TNXB: variants seen among roughly 807,000 people sequenced by gnomAD.
TNXB encodes the protein tenascin XB, also known as tenascin-X.
TNXB carries 183 observed loss-of-function variants against 340.5 expected under a neutral mutation model. The observed-to-expected ratio is 0.54, with a 90% CI of 0.48 to 0.61. The LOEUF is 0.61. Ranked by LOEUF, TNXB falls within the 20% of genes least tolerant of loss-of-function variation. The pLI is 0.00. For synonymous variants in TNXB, 2,121 were observed against 2,314.5 expected, an observed-to-expected ratio of 0.92 and a Z score of 2.40; for missense variants, 4,613 against 5,446.4, an observed-to-expected ratio of 0.85 and a Z score of 4.82.
rs1286916727 is a variant in TNXB, at chr6:32,070,499, C to T, written c.4991-85G>A. Reference sequence around the variant, plus strand: ...CTGGGGCTGGAAAAACCCAGAACTGCCCAAATGCTCAGTGCTTCCCCAAAA... The same window carrying T: ...CTGGGGCTGGAAAAACCCAGAACTGTCCAAATGCTCAGTGCTTCCCCAAAA... On this transcript the variant is annotated intron_variant, in intron 13 of 43. Transcript: ENST00000644971. This position sits in a 1 kb window ranked among gnomAD's most constrained non-coding sequence, Gnocchi z 6.0. 13 of 1,320,172 alleles carry T rather than the reference C, an allele frequency of 9.8e-6. No individual in the cohort carries two copies. The East Asian group carries it at 2.7e-4, about 27-fold the overall frequency. 81.8% of individuals were successfully genotyped at this position (1,320,172 alleles called of 1,614,324 possible). A position where few individuals can be genotyped will look rare whatever the true frequency, so the allele number is the denominator to read the frequency against.
rs1326148770 is a variant in TNXB at position 32,060,424 on chromosome 6, T to C, written c.7492+973A>G. Among the ~76,000 whole-genome samples, 2 of 147,298 alleles carry C rather than the reference T, an allele frequency of 1.4e-5. 1 individual carries two copies. Among genetic ancestry groups the C allele is most frequent in the African/African-American group, 4.9e-5 (2 of 40,446 alleles). On this transcript the variant is annotated intron_variant, in intron 21 of 43. Coordinates refer to ENST00000644971, the MANE Select transcript of TNXB (RefSeq NM_001365276.2). ...GTGTAAAGAAGGAGAAGACATTATA[T>C]ATTTTCTCTTTTCCCTTTCCCTGAT... is the stretch of plus-strand genomic sequence containing the variant.
Position 32,049,877 on chromosome 6 carries a change from C to A in TNXB, c.9439+121G>T. 1 of 1,487,206 alleles carries A rather than the reference C, an allele frequency of 6.7e-7. No homozygotes were observed. The allele number at this position is 1,487,206 out of a possible 1,614,324, so 92.1% of individuals were successfully genotyped here. A position where few individuals can be genotyped will look rare whatever the true frequency, so the allele number is the denominator to read the frequency against. On this transcript the variant is annotated intron_variant, in intron 27 of 43. Coordinates refer to ENST00000644971, the MANE Select transcript of TNXB (RefSeq NM_001365276.2). This position sits in a 1 kb window ranked among gnomAD's most constrained non-coding sequence, Gnocchi z 4.5. The stretch of plus-strand genomic sequence containing the variant: ...GAAGGCCCAAGGGGAGTCCCAGCCC[C>A]AGCCACAAGCAGTTCTGTGGTGCTG...
chr6:32,088,253 G>A (rs1034206626), intron 6 of TNXB, among the ~76,000 whole-genome samples: 2 of 152,204 alleles, frequency 1.3e-5, no homozygotes, highest in Non-Finnish European at 2.9e-5. Flanking sequence ...AGAGAAAGGG[G>A]AGTCGGGGAA....
At position 32,097,917 on chromosome 6, in the gene TNXB, T is replaced by C. The variant is rs1345435968; in HGVS notation, c.282A>G (p.Pro94=). Residue 94 remains proline (P), a synonymous_variant, in exon 2 of 44, where the codon CCA becomes CCG. Transcript: ENST00000644971. The surrounding 1 kb of genome is among the most constrained non-coding windows in gnomAD (Gnocchi z 5.9). ...GGGCCTGTACCTCTGAAGCAAGGAC[T>C]GGGGGCTCGGTGCCTGGGGGACAGC... is the stretch of plus-strand genomic sequence containing the variant. The part of the protein sequence containing the change: ...GCGCPPGTEP[P]VLASEVQALR... The C allele has an allele frequency of 1.9e-6, 3 of 1,589,902 alleles. No homozygotes were observed. Among genetic ancestry groups the C allele is most frequent in the South Asian group, 2.2e-5 (2 of 88,980 alleles).
chr6:32,079,866 G>C lies in TNXB; in HGVS notation c.4043-501C>G, dbSNP rs1227536319. The stretch of plus-strand genomic sequence containing the variant: ...GAGTGGGAGAAAAATTCTGGGGTGA[G>C]TGGGATCCAAGGAGAGACATGTCCT... On this transcript the variant is annotated intron_variant, in intron 10 of 43. Coordinates refer to ENST00000644971, the MANE Select transcript of TNXB (RefSeq NM_001365276.2). This position sits in a 1 kb window ranked among gnomAD's most constrained non-coding sequence, Gnocchi z 7.1. Among the ~76,000 whole-genome samples the C allele has an allele frequency of 6.6e-6, 1 of 152,220 alleles. No homozygotes were observed. The highest frequency in any genetic ancestry group is 2.4e-5 in the African/African-American group (1 of 41,462).
chr6:32,072,257 G>A lies in TNXB; in HGVS notation c.4723C>T (p.Pro1575Ser). Residue 1575 changes from proline (P) to serine (S), a missense_variant, in exon 13 of 44, where the codon CCC (proline) becomes TCC (serine). Pro to Ser is a moderately conservative substitution (Grantham distance 74). Transcript: ENST00000644971. This position sits in a 1 kb window ranked among gnomAD's most constrained non-coding sequence, Gnocchi z 4.4. Reference sequence around the variant, plus strand: ...AGCTCCCCTAGGCGTGGCTCCAGGGGAGGCTTGGAGGCCTCTGTGGCTGGG... The same window carrying A: ...AGCTCCCCTAGGCGTGGCTCCAGGGAAGGCTTGGAGGCCTCTGTGGCTGGG... ...PAPATEASKP[P>S]LEPRLGELTV... 6.2e-7 allele frequency: 1 copy of A among 1,607,026 alleles called. No homozygotes were observed.
chr6:32,044,845 AG>A (rs1376159942), intron 32 of TNXB, 129 bp from the exon 33 acceptor site: 5 of 699,644 alleles, frequency 7.1e-6, no homozygotes, highest in African/African-American at 1.9e-5. Context: ...TTGCAGCCAC[AG>A]GGGGGTCCTG....
At position 32,079,728 on chromosome 6, in the gene TNXB, C is replaced by T. The variant is rs949792815; in HGVS notation, c.4043-363G>A. Among the ~76,000 whole-genome samples, 1 of 152,166 alleles carries T rather than the reference C, an allele frequency of 6.6e-6. No homozygotes were observed. The highest frequency in any genetic ancestry group is 1.5e-5 in the Non-Finnish European group (1 of 68,012). ...AGGGCACTCTGGCTGCCCCACCCCTCATATGAGGATCTGACCATGGAATGT... is the reference window on the plus strand; with the variant it reads ...AGGGCACTCTGGCTGCCCCACCCCTTATATGAGGATCTGACCATGGAATGT... On this transcript the variant is annotated intron_variant, in intron 10 of 43. Coordinates refer to ENST00000644971, the MANE Select transcript of TNXB (RefSeq NM_001365276.2). This position sits in a 1 kb window ranked among gnomAD's most constrained non-coding sequence, Gnocchi z 7.1.
At position 32,061,459 on chromosome 6, in the gene TNXB, A is replaced by C. The variant is rs1228442439; in HGVS notation, c.7430T>G (p.Met2477Arg). The stretch of plus-strand genomic sequence containing the variant: ...CCCCTCGTGGAGGCCATACAGGTGC[A>C]TCTTGTATTTGCGCCCAGGCTCCAG... Reference protein sequence around the residue: ...GGLEPGRKYKMHLYGLHEGRR... With the variant: ...GGLEPGRKYKRHLYGLHEGRR... Residue 2477 changes from methionine (M) to arginine (R), a missense_variant, in exon 21 of 44, where the codon ATG becomes AGG. Transcript: ENST00000644971. The surrounding 1 kb of genome is among the most constrained non-coding windows in gnomAD (Gnocchi z 4.4). 1 of 1,613,406 alleles carries C rather than the reference A, an allele frequency of 6.2e-7. No individual in the cohort carries two copies. Among genetic ancestry groups the C allele is most frequent in the Admixed American group, 1.7e-5 (1 of 60,000 alleles).
At chr6:32,059,391 C>T (rs1190030631) in intron 21 of TNXB, among the ~76,000 whole-genome samples, 4 of 147,498 alleles carry the variant, frequency 2.7e-5, no homozygotes, top group Admixed American at 2.0e-4. Flanking sequence ...TGCACTCCAG[C>T]CTGGGCAACA....
rs773928791 is a variant in TNXB at position 32,084,487 on chromosome 6, C to T, written c.3371G>A (p.Arg1124His). 4.4e-6 allele frequency: 7 copies of T among 1,608,362 alleles called. No homozygotes were observed. The highest frequency in any genetic ancestry group is 2.2e-5 in the East Asian group (1 of 44,860). Residue 1124 changes from arginine (R) to histidine (H), a missense_variant, in exon 8 of 44, where the codon CGC becomes CAC. This residue lies in a region of TNXB where 4,327 missense variants were observed against 4,859.4 expected (regional missense o/e 0.89). Transcript: ENST00000644971. The surrounding 1 kb of genome is among the most constrained non-coding windows in gnomAD (Gnocchi z 5.5). ...CCCATACAGGACAAATTTGTACTTG[C>T]GGCCAGGATCCAGGGAGGTGATGAC... ...SAVITSLDPG[R>H]KYKFVLYGFV... is the part of the protein sequence containing the mutation.
rs899588244 is a variant in TNXB at position 32,097,481 on chromosome 6, C to T, written c.404-32G>A. On this transcript the variant is annotated intron_variant, in intron 2 of 43. Transcript: ENST00000644971. This position sits in a 1 kb window ranked among gnomAD's most constrained non-coding sequence, Gnocchi z 5.9. ...TAGGAGGGGAGAGGCAAGTCTCAGTCTCTCTCCTGGGAGAGAGGCTGAGCC... is the reference window on the plus strand; with the variant it reads ...TAGGAGGGGAGAGGCAAGTCTCAGTTTCTCTCCTGGGAGAGAGGCTGAGCC... 1.8e-5 allele frequency: 29 copies of T among 1,567,658 alleles called. No homozygotes were observed. Among genetic ancestry groups the T allele is most frequent in the Non-Finnish European group, 2.4e-5 (28 of 1,160,424 alleles).
Position 32,053,378 on chromosome 6 carries a change from G to A in TNXB, c.8791+10C>T, listed in dbSNP as rs1373271499. The A allele has an allele frequency of 6.8e-6, 11 of 1,610,878 alleles. No individual in the cohort carries two copies. Among genetic ancestry groups the A allele is most frequent in the Admixed American group, 3.3e-5 (2 of 59,894 alleles). On this transcript the variant is annotated intron_variant, in intron 25 of 43. Transcript: ENST00000644971. Reference sequence around the variant, plus strand: ...CAGGCCCCACTCTGGGGCTCCCATCGTACACTCACCTGTCACCCCAATGAC... The same window carrying A: ...CAGGCCCCACTCTGGGGCTCCCATCATACACTCACCTGTCACCCCAATGAC...
rs1364307186 is a variant in TNXB at position 32,046,216 on chromosome 6, C to T, written c.10565G>A (p.Gly3522Glu). ...KYKFLLYGLL[G>E]GKRLGPVSAL... ...AGAGACCGGGCCCAGGCGCTTTCCCCCAAGGAGCCCGTAGAGCAGAAACTT... is the reference window on the plus strand; with the variant it reads ...AGAGACCGGGCCCAGGCGCTTTCCCTCAAGGAGCCCGTAGAGCAGAAACTT... The change falls in exon 31 of 44, where the codon GGG becomes GAG. Residue 3522 changes from glycine to glutamate, a missense_variant. Transcript: ENST00000644971. The surrounding 1 kb of genome is among the most constrained non-coding windows in gnomAD (Gnocchi z 6.9). The T allele has an allele frequency of 6.3e-7, 1 of 1,598,230 alleles. No individual in the cohort carries two copies. The highest frequency in any genetic ancestry group is 8.5e-7 in the Non-Finnish European group (1 of 1,171,954).
chr6:32,065,411 C>A (rs941314843), intron 18 of TNXB, among the ~76,000 whole-genome samples: 1 of 152,158 alleles, frequency 6.6e-6, no homozygotes, highest in Non-Finnish European at 1.5e-5. Flanking sequence ...AAGCCACCTT[C>A]TTCTGTGGGC....
At chr6:32,107,153 G>A (rs905787281) in intron 1 of TNXB, among the ~76,000 whole-genome samples, 24 of 152,226 alleles carry the variant, frequency 1.6e-4, no homozygotes, top group Admixed American at 1.6e-3. Context: ...CCAGTGGGAA[G>A]CAGCGGACAC....
In TNXB at chr6:32,061,318, G is replaced by C; in HGVS notation, c.7492+79C>G. 1.3e-6 allele frequency: 2 copies of C among 1,554,438 alleles called. No homozygotes were observed. Among genetic ancestry groups the C allele is most frequent in the African/African-American group, 1.4e-5 (1 of 72,642 alleles). The stretch of plus-strand genomic sequence containing the variant: ...CAGGAGACAAGTCTGGACCCACAGG[G>C]CTTGGTGAAAGGGCACAGCAGTAAA... On this transcript the variant is annotated intron_variant, in intron 21 of 43. Transcript: ENST00000644971. The surrounding 1 kb of genome is among the most constrained non-coding windows in gnomAD (Gnocchi z 4.4).
chr6:32,089,131 C>T lies in TNXB; in HGVS notation c.2516-83G>A. ...TCCTTCCAAGAGCCTAGCCCCCATC[C>T]AGCCCCTTCCTTCTGCCCTCCCGGA... On this transcript the variant is annotated intron_variant, in intron 5 of 43. Coordinates refer to ENST00000644971, the MANE Select transcript of TNXB (RefSeq NM_001365276.2). This position sits in a 1 kb window ranked among gnomAD's most constrained non-coding sequence, Gnocchi z 6.2. 1 of 1,573,698 alleles carries T rather than the reference C, an allele frequency of 6.4e-7. No individual in the cohort carries two copies. Among genetic ancestry groups the T allele is most frequent in the Non-Finnish European group, 8.6e-7 (1 of 1,158,362 alleles).
At position 32,061,663 on chromosome 6, in the gene TNXB, G is replaced by A; in HGVS notation, c.7226C>T (p.Pro2409Leu). 2 of 1,612,666 alleles carry A rather than the reference G, an allele frequency of 1.2e-6. No individual in the cohort carries two copies. The highest frequency in any genetic ancestry group is 1.7e-6 in the Non-Finnish European group (2 of 1,179,812). The change falls in exon 21 of 44, where the codon CCT becomes CTT. Residue 2409 changes from proline to leucine, a missense_variant. Coordinates refer to ENST00000644971, the MANE Select transcript of TNXB (RefSeq NM_001365276.2). The surrounding 1 kb of genome is among the most constrained non-coding windows in gnomAD (Gnocchi z 4.4). The part of the protein sequence containing the change: ...TEPSMEAPEP[P>L]EEPLLGELTV... The stretch of plus-strand genomic sequence containing the variant: ...TAGCTCCCCCAGGAGCGGCTCCTCA[G>A]GGGGCTCCGGGGCCTCCATGCTGGG...
Sources: allele counts gnomAD v4.1 joint callset (sites outside exome capture counted in the v4.1 genomes callset), GRCh38; gene constraint gnomAD v4.1.1; regional missense constraint gnomAD v4.1.1; non-coding constraint Gnocchi (gnomAD v3.1); transcripts MANE v1.5; gene names NCBI Gene and HGNC (gene_info 2026-07-23, HGNC 2026-07-21).